Variants in ESCO2 observed in about 807,000 individuals in gnomAD.
ESCO2 encodes establishment of sister chromatid cohesion N-acetyltransferase 2, also known as N-acetyltransferase ESCO2.
In ESCO2, 51 loss-of-function variants were observed where a neutral mutation model predicts 61.7. The ratio of observed to expected loss-of-function variants is 0.83; its 90% CI spans 0.66 to 1.04. The LOEUF (loss-of-function observed/expected upper bound fraction) is 1.04, where lower values mean the gene tolerates loss of function less well. ESCO2 is among the 50% of genes least tolerant of loss of function. The probability of loss-of-function intolerance (pLI) is 0.00; values close to 1 mark genes in which losing one functional copy is unlikely to be tolerated. For missense variants in ESCO2, 692 were observed against 686.2 expected (o/e 1.01, Z -0.09); for synonymous variants, 230 against 238.2 (o/e 0.97, Z 0.32).
At chr8:27,805,888 C>T (rs569437706), downstream of ESCO2, among the ~76,000 whole-genome samples, 6 of 152,216 alleles carry the variant, frequency 3.9e-5, no homozygotes, top group Admixed American at 3.9e-4. Context: ...CCACTTCAGC[C>T]TCCCAAAGTG....
intron 3 of ESCO2, chr8:27,778,148 A>G (rs1279427591): frequency 6.6e-6 from 1 of 152,222 alleles, no homozygotes; most frequent in African/African-American, 2.4e-5. Flanking sequence ...TCATTTCTAC[A>G]TGGCAATAAT....
chr8:27,789,086 A>G (rs1805115734), intron 7 of ESCO2, 108 bp downstream of exon 7: 1 of 1,372,362 alleles, frequency 7.3e-7, no homozygotes, highest in African/African-American at 1.4e-5. Context: ...TTTAATGATG[A>G]TGTTTCAAGC....
chr8:27,776,577 A>G lies in ESCO2; in HGVS notation c.269A>G (p.Asn90Ser), dbSNP rs1398258569. The G allele has an allele frequency of 6.2e-7, 1 of 1,614,172 alleles. No homozygotes were observed. Among genetic ancestry groups the G allele is most frequent in the Admixed American group, 1.7e-5 (1 of 60,028 alleles). ...TCCACTGTATCTTTTTACAACCAAA[A>G]TAAGTGGTACCTCAATCCACTGGAG... ...ALSTVSFYNQ[N>S]KWYLNPLERK... The change falls in exon 3 of 11, where the codon AAT becomes AGT. Residue 90 changes from asparagine to serine, a missense_variant. Transcript: ENST00000305188.
chr8:27,778,712 CAG>C (rs1483966596), intron 3 of ESCO2: 9 of 152,108 alleles, frequency 5.9e-5, no homozygotes, highest in South Asian at 4.1e-4. Context: ...ACCAGTGTAA[CAG>C]AGAATTCTGT....
At position 27,789,013 on chromosome 8, in the gene ESCO2, A is replaced by G. The variant is rs1270989565; in HGVS notation, c.1263+35A>G. The G allele has an allele frequency of 2.5e-6, 4 of 1,613,310 alleles. No homozygotes were observed. In the South Asian group the frequency reaches 3.3e-5, roughly 13 times the overall value. ...AACATAGTCTTTCAGTTTGTTCTAG[A>G]AGTAAAACTAAAAGAGACATTTCTT... On this transcript the variant is annotated intron_variant, in intron 7 of 10. Coordinates refer to ENST00000305188, the MANE Select transcript of ESCO2 (RefSeq NM_001017420.3).
At chr8:27,791,851 T>C in intron 7 of ESCO2, 112 bp from the exon 8 acceptor site, 2 of 908,388 alleles carry the variant, frequency 2.2e-6, no homozygotes, top group South Asian at 2.9e-5. Context: ...ATCTTCTTCT[T>C]TTTATATCTA....
chr8:27,774,371 C>A (rs1331649239), upstream of ESCO2: 2 of 152,094 alleles, frequency 1.3e-5, no homozygotes, highest in Non-Finnish European at 2.9e-5. Flanking sequence ...TTGTGGGTGG[C>A]GTGGTTTCCC....
At position 27,785,085 on chromosome 8, in the gene ESCO2, A is replaced by G. The variant is rs537405284; in HGVS notation, c.1013+1028A>G. ...AGAAATTTATTTGGCTCACAGTTAT[A>G]GAGGCTGAGAAGTTCGAGATCAAGC... is the stretch of plus-strand genomic sequence containing the variant. On this transcript the variant is annotated intron_variant, in intron 5 of 10. Coordinates refer to ENST00000305188, the MANE Select transcript of ESCO2 (RefSeq NM_001017420.3). Among the ~76,000 whole-genome samples the G allele has an allele frequency of 1.5e-3, 225 of 152,374 alleles. 1 individual carries two copies. The highest frequency in any genetic ancestry group is 2.8e-3 in the Non-Finnish European group (193 of 68,038).
At chr8:27,791,778 A>T (rs1440056457) in intron 7 of ESCO2, among the ~76,000 whole-genome samples, 185 bp from the exon 8 acceptor site, 1 of 152,176 alleles carries the variant, frequency 6.6e-6, no homozygotes, top group Non-Finnish European at 1.5e-5. Context: ...CAGCTTGTTG[A>T]GGCCAGATAC....
intron 2 of ESCO2, 149 bp downstream of exon 2, chr8:27,775,716 C>T (rs1804774755): frequency 1.4e-6 from 1 of 717,920 alleles, no homozygotes; most frequent in Middle Eastern, 2.4e-4. Context: ...CTAATTCTAG[C>T]TTGGAAATAC....
chr8:27,782,709 AAT>A lies in ESCO2; in HGVS notation c.956-1280_956-1279del, dbSNP rs893186433. Among the ~76,000 whole-genome samples the A allele has an allele frequency of 3.2e-4, 48 of 149,480 alleles. 1 individual carries two copies. The highest frequency in any genetic ancestry group is 3.5e-3 in the Middle Eastern group (1 of 282). On this transcript the variant is annotated intron_variant, in intron 4 of 10. Coordinates refer to ENST00000305188, the MANE Select transcript of ESCO2 (RefSeq NM_001017420.3). ...TGTAGAATTCCATATATAGTTAAAT[AAT>A]ATATATATATTAAATAATATATTTT...
the ESCO2 span, among the ~76,000 whole-genome samples, chr8:27,818,218 A>C: frequency 6.6e-6 from 1 of 152,242 alleles, no homozygotes; most frequent in African/African-American, 2.4e-5. Context: ...CTGTGTTACC[A>C]CAGCAAAACC....
Position 27,787,924 on chromosome 8 carries a change from C to T in ESCO2, c.1053C>T (p.Asn351=), listed in dbSNP as rs1179332370. ...GEEQFSVGSV[N]FMKQTNIQKN... is the part of the protein sequence containing the mutation. ...AACAGTTTTCTGTGGGATCTGTCAA[C>T]TTCATGAAACAGACCAATATCCAGA... The change falls in exon 6 of 11, where the codon AAC becomes AAT. Residue 351 remains asparagine (N), a synonymous_variant. Transcript: ENST00000305188. The T allele has an allele frequency of 6.2e-7, 1 of 1,613,702 alleles. No homozygotes were observed. The highest frequency in any genetic ancestry group is 1.7e-5 in the Admixed American group (1 of 60,018).
chr8:27,784,222 T>C (rs1022175168), intron 5 of ESCO2, among the ~76,000 whole-genome samples, 165 bp downstream of exon 5: 3 of 152,076 alleles, frequency 2.0e-5, no homozygotes, highest in Admixed American at 6.6e-5. Context: ...CAGTCCCTCA[T>C]AGAAACATCA....
chr8:27,804,018 G>A lies in ESCO2; in HGVS notation c.*580G>A. ...GCTGGGATTACAGTCATGAGCCACC[G>A]TGCCCAGCCTAATTCCTGACTTCTC... On this transcript the variant is annotated 3_prime_UTR_variant, in exon 11 of 11. Transcript: ENST00000305188. 3 of 986,496 alleles carry A rather than the reference G, an allele frequency of 3.0e-6. No homozygotes were observed. Among genetic ancestry groups the A allele is most frequent in the Non-Finnish European group, 3.6e-6 (3 of 831,036 alleles). The allele number at this position is 986,496 out of a possible 1,614,324, so 61.1% of individuals were successfully genotyped here.
chr8:27,780,555 A>G (rs981450814), intron 4 of ESCO2, among the ~76,000 whole-genome samples: 6 of 152,244 alleles, frequency 3.9e-5, no homozygotes, highest in Non-Finnish European at 7.3e-5. Context: ...GAGTGTTCTC[A>G]TTATAAAATC....
At chr8:27,809,106 G>C (rs1053346020), downstream of ESCO2, among the ~76,000 whole-genome samples, 5 of 152,124 alleles carry the variant, frequency 3.3e-5, no homozygotes, top group Admixed American at 1.3e-4. Flanking sequence ...GCTAGGAAAA[G>C]AATGCCCTGG....
intron 7 of ESCO2, 129 bp from the exon 8 acceptor site, chr8:27,791,834 G>T: frequency 1.2e-6 from 1 of 814,518 alleles, no homozygotes. Context: ...ACTTTTAGTT[G>T]GATTTCATCT....
At chr8:27,774,654 C>G (rs1266658167) in intron 1 of ESCO2, 47 bp downstream of exon 1, 1 of 152,582 alleles carries the variant, frequency 6.6e-6, no homozygotes, top group African/African-American at 2.4e-5. Flanking sequence ...AAGGCTGAGG[C>G]GAGCGGGAGA....
Sources: allele counts gnomAD v4.1 joint callset (sites outside exome capture counted in the v4.1 genomes callset), GRCh38; gene constraint gnomAD v4.1.1; transcripts MANE v1.5; gene names NCBI Gene and HGNC (gene_info 2026-07-23, HGNC 2026-07-21).